Variants in RNF6 observed in about 807,000 individuals in gnomAD.
RNF6 encodes the protein ring finger protein 6.
A neutral mutation model predicts 50.1 loss-of-function variants in RNF6; 21 were observed. The ratio of observed to expected loss-of-function variants is 0.42; its 90% CI spans 0.30 to 0.60. The LOEUF is 0.60. Among genes scored for constraint, RNF6 ranks in the 20% least tolerant of loss-of-function variants. RNF6 has a pLI of 0.20. For missense variants in RNF6, 698 were observed against 838.2 expected (o/e 0.83, Z 2.07); for synonymous variants, 255 against 291.8 (o/e 0.87, Z 1.29).
intron 5 of RNF6, among the ~76,000 whole-genome samples, chr13:26,138,594 C>T (rs1238212696): frequency 6.6e-6 from 1 of 151,628 alleles, no homozygotes; most frequent in Non-Finnish European, 1.5e-5. Context: ...ATAATAATAG[C>T]AAAAAGAGGG....
At chr13:26,144,444 A>G (rs1871128202) in intron 5 of RNF6, among the ~76,000 whole-genome samples, 2 of 151,160 alleles carry the variant, frequency 1.3e-5, no homozygotes, top group African/African-American at 4.9e-5. Context: ...TTTCCCTGTC[A>G]CCAATTTTCC....
Position 26,214,598 on chromosome 13 carries a change from T to C in RNF6, c.1284A>G (p.Ala428=). 6.2e-7 allele frequency: 1 copy of C among 1,614,228 alleles called. No homozygotes were observed. The highest frequency in any genetic ancestry group is 8.5e-7 in the Non-Finnish European group (1 of 1,180,036). Reference sequence around the variant, plus strand: ...TGCTTTCAATAGTGACTGTATTTTCTGCTAGCCCTACTCTGGATCGAGTTC... The same window carrying C: ...TGCTTTCAATAGTGACTGTATTTTCCGCTAGCCCTACTCTGGATCGAGTTC... ...ANRTRSRVGL[A]ENTVTIESNS... Residue 428 remains alanine (A), a synonymous_variant, in exon 5 of 5, where the codon GCA becomes GCG. Coordinates refer to ENST00000381588, the MANE Select transcript of RNF6 (RefSeq NM_005977.4).
intron 5 of RNF6, among the ~76,000 whole-genome samples, chr13:26,148,731 T>A (rs1871400026): frequency 7.0e-6 from 1 of 143,454 alleles, no homozygotes; most frequent in Admixed American, 7.1e-5. Context: ...ATTTTATATA[T>A]AGTAAGGAAT....
At chr13:26,177,949 G>C (rs922710387) in intron 5 of RNF6, among the ~76,000 whole-genome samples, 1 of 152,174 alleles carries the variant, frequency 6.6e-6, no homozygotes, top group African/African-American at 2.4e-5. Flanking sequence ...ACTTTGGGAG[G>C]CCAAGGTGGG....
chr13:26,150,257 A>G (rs963055054), intron 5 of RNF6, among the ~76,000 whole-genome samples: 1 of 152,054 alleles, frequency 6.6e-6, no homozygotes, highest in African/African-American at 2.4e-5. Flanking sequence ...TGATTCTTTC[A>G]TATTATAAAC....
intron 5 of RNF6, among the ~76,000 whole-genome samples, chr13:26,133,019 T>A (rs1870473309): frequency 6.6e-6 from 1 of 152,210 alleles, no homozygotes; most frequent in African/African-American, 2.4e-5. Context: ...ATCTAGAGAA[T>A]GCCTTATTCC....
At chr13:26,187,953 A>G (rs1489124619) in intron 5 of RNF6, among the ~76,000 whole-genome samples, 3 of 152,254 alleles carry the variant, frequency 2.0e-5, no homozygotes, top group Non-Finnish European at 2.9e-5. Context: ...GGTGTCAAAA[A>G]ATAGAACTAG....
intron 5 of RNF6, among the ~76,000 whole-genome samples, chr13:26,184,326 C>A (rs187585819): frequency 6.6e-6 from 1 of 152,180 alleles, no homozygotes; most frequent in Non-Finnish European, 1.5e-5. Flanking sequence ...CCACCGCGCC[C>A]GGCCGCCTCA....
intron 4 of RNF6, among the ~76,000 whole-genome samples, chr13:26,217,259 T>C (rs1385408450): frequency 4.6e-5 from 7 of 152,214 alleles, no homozygotes; most frequent in Non-Finnish European, 8.8e-5. Flanking sequence ...CCACTTCCCA[T>C]TTGTTTGGAA....
chr13:26,174,211 C>T (rs1312585049), intron 5 of RNF6, among the ~76,000 whole-genome samples: 1 of 152,070 alleles, frequency 6.6e-6, no homozygotes, highest in East Asian at 1.9e-4. Context: ...CTGATTTCAT[C>T]CTCTCGGTGC....
chr13:26,176,354 A>G (rs1450011489), intron 5 of RNF6, among the ~76,000 whole-genome samples: 4 of 152,060 alleles, frequency 2.6e-5, no homozygotes, highest in Non-Finnish European at 4.4e-5. Context: ...CAATGGCACA[A>G]TCATAGCTCA....
At chr13:26,219,366 G>A in intron 3 of RNF6, 91 bp downstream of exon 3, 1 of 1,084,366 alleles carries the variant, frequency 9.2e-7, no homozygotes, top group Non-Finnish European at 1.3e-6. Context: ...ATAAAGAGAA[G>A]CAAGGAAAAA....
chr13:26,184,189 G>A (rs1023872712), intron 5 of RNF6, among the ~76,000 whole-genome samples: 6 of 151,206 alleles, frequency 4.0e-5, no homozygotes, highest in Admixed American at 4.0e-4. Flanking sequence ...CACCCACCAC[G>A]CCAGGCTAAT....
chr13:26,213,743 G>C lies in RNF6; in HGVS notation c.*81C>G, dbSNP rs1869492767. ...AATCTGTTATTTTTCATCCTGGTTAGCTAATCACAAATAACTCAGCAAAAC... is the reference window on the plus strand; with the variant it reads ...AATCTGTTATTTTTCATCCTGGTTACCTAATCACAAATAACTCAGCAAAAC... On this transcript the variant is annotated 3_prime_UTR_variant, in exon 5 of 5. Transcript: ENST00000381588. The C allele has an allele frequency of 8.7e-7, 1 of 1,148,514 alleles. No homozygotes were observed. Among genetic ancestry groups the C allele is most frequent in the Non-Finnish European group, 1.2e-6 (1 of 813,118 alleles). The allele number at this position is 1,148,514 out of a possible 1,614,324, so 71.1% of individuals were successfully genotyped here.
In RNF6 at chr13:26,215,180, C is replaced by T. The variant is rs764668047; in HGVS notation, c.702G>A (p.Arg234=). The T allele has an allele frequency of 1.9e-6, 3 of 1,614,088 alleles. No homozygotes were observed. The highest frequency in any genetic ancestry group is 2.2e-5 in the East Asian group (1 of 44,902). ...CTGCTCCCCCAATTCCATTTCTTAACCTTCCCAATGTTGAGAAAGATCCTT... is the reference window on the plus strand; with the variant it reads ...CTGCTCCCCCAATTCCATTTCTTAATCTTCCCAATGTTGAGAAAGATCCTT... The part of the protein sequence containing the change: ...PAEGSFSTLG[R]LRNGIGGAAG... The change falls in exon 5 of 5, where the codon AGG becomes AGA. Residue 234 remains arginine, a synonymous_variant. Transcript: ENST00000381588.
At chr13:26,210,832 AAG>A (rs1331683672), downstream of RNF6, among the ~76,000 whole-genome samples, 1 of 152,204 alleles carries the variant, frequency 6.6e-6, no homozygotes, top group Non-Finnish European at 1.5e-5. Context: ...ATAACCTCGT[AAG>A]AGTGATAATT....
chr13:26,215,637 A>C, intron 4 of RNF6, 45 bp from the exon 5 acceptor site: 2 of 1,458,184 alleles, frequency 1.4e-6, no homozygotes, highest in Non-Finnish European at 1.8e-6. Flanking sequence ...CCTAAGACAC[A>C]CCTTACAGCT....
intron 5 of RNF6, among the ~76,000 whole-genome samples, chr13:26,179,640 A>G (rs565649119): frequency 1.3e-5 from 2 of 152,288 alleles, no homozygotes; most frequent in South Asian, 4.1e-4. Context: ...TATGTCTGCC[A>G]AGACCATTCA....
intron 5 of RNF6, among the ~76,000 whole-genome samples, chr13:26,172,183 A>T (rs1872723713): frequency 6.6e-6 from 1 of 152,218 alleles, no homozygotes; most frequent in South Asian, 2.1e-4. Context: ...TAATCTACAT[A>T]CGCAGCCTGG....
Sources: gnomAD v4.1 joint callset for allele counts (sites outside exome capture counted in the v4.1 genomes callset) on GRCh38, gnomAD v4.1.1 for gene constraint, MANE v1.5 for transcripts, NCBI Gene and HGNC (gene_info 2026-07-23, HGNC 2026-07-21) for gene names.